The following IL2RA variants were observed in gnomAD, a reference collection of about 807,000 sequenced individuals.
IL2RA encodes interleukin 2 receptor subunit alpha, also known as interleukin-2 receptor subunit alpha.
Under a neutral mutation model 37.8 loss-of-function variants are expected in IL2RA, and 24 were observed. The ratio of observed to expected loss-of-function variants is 0.63; its 90% CI spans 0.46 to 0.89. The LOEUF is 0.89. Ranked by LOEUF, IL2RA falls within the 40% of genes least tolerant of loss-of-function variation. The pLI is 0.00. For missense variants in IL2RA, 319 were observed against 348.6 expected, an observed-to-expected ratio of 0.92 and a Z score of 0.68; for synonymous variants, 125 against 114.6, an observed-to-expected ratio of 1.09 and a Z score of -0.58.
chr10:6,049,850 C>T (rs181115088), intron 1 of IL2RA, among the ~76,000 whole-genome samples: 5 of 152,308 alleles, frequency 3.3e-5, no homozygotes, highest in East Asian at 1.9e-4. Flanking sequence ...TCTCTCAAGA[C>T]GCTTTTCTGG....
At chr10:6,019,821 G>A (rs1839352318) in intron 5 of IL2RA, 49 bp downstream of exon 5, 2 of 1,549,134 alleles carry the variant, frequency 1.3e-6, no homozygotes, top group East Asian at 4.5e-5. Context: ...GGTCACCTCT[G>A]CCCTTTTGGA....
rs1436492215 is a variant in IL2RA, at chr10:6,018,006, C to T, written c.794+47G>A. 1 of 1,523,540 alleles carries T rather than the reference C, an allele frequency of 6.6e-7. No individual in the cohort carries two copies. The highest frequency in any genetic ancestry group is 9.1e-7 in the Non-Finnish European group (1 of 1,102,664). 94.4% of individuals were successfully genotyped at this position (1,523,540 alleles called of 1,614,324 possible). On this transcript the variant is annotated intron_variant, in intron 7 of 7. Transcript: ENST00000379959. This position sits in a 1 kb window ranked among gnomAD's most constrained non-coding sequence, Gnocchi z 5.1. The stretch of plus-strand genomic sequence containing the variant: ...GGGGGAGGCAGGGTGGGGCTGGGTA[C>T]AGGACTTTGATCTGACCAAGGGCTG...
In IL2RA at chr10:6,012,180, T is replaced by G. The variant is rs1336243109; in HGVS notation, c.*692A>C. ...TCCTTCTGTTCCTGACATTGCCTCATGGGTTTGGCTGCCCCGTTTTGAAGT... is the reference window on the plus strand; with the variant it reads ...TCCTTCTGTTCCTGACATTGCCTCAGGGGTTTGGCTGCCCCGTTTTGAAGT... On this transcript the variant is annotated 3_prime_UTR_variant, in exon 8 of 8. Coordinates refer to ENST00000379959, the MANE Select transcript of IL2RA (RefSeq NM_000417.3). This position sits in a 1 kb window ranked among gnomAD's most constrained non-coding sequence, Gnocchi z 4.8. 1 of 152,822 alleles carries G rather than the reference T, an allele frequency of 6.5e-6. No individual in the cohort carries two copies. Among genetic ancestry groups the G allele is most frequent in the Non-Finnish European group, 1.5e-5 (1 of 68,416 alleles). The allele number at this position is 152,822 out of a possible 1,614,324, so 9.5% of individuals were successfully genotyped here.
Position 6,018,198 on chromosome 10 carries a change from G to T in IL2RA, c.728-79C>A. On this transcript the variant is annotated intron_variant, in intron 6 of 7. Coordinates refer to ENST00000379959, the MANE Select transcript of IL2RA (RefSeq NM_000417.3). This position sits in a 1 kb window ranked among gnomAD's most constrained non-coding sequence, Gnocchi z 5.1. ...AGCAGGAGCCAGGGCCACAGGGCAG[G>T]CTGAGGACATCCCCAAAGAGCAAGG... The T allele has an allele frequency of 9.2e-7, 1 of 1,091,230 alleles. No individual in the cohort carries two copies. The highest frequency in any genetic ancestry group is 1.4e-6 in the Non-Finnish European group (1 of 712,064). The allele number at this position is 1,091,230 out of a possible 1,614,324, so 67.6% of individuals were successfully genotyped here. A position where few individuals can be genotyped will look rare whatever the true frequency, so the allele number is the denominator to read the frequency against.
At chr10:6,061,617 CT>C (rs1189856848) in intron 1 of IL2RA, among the ~76,000 whole-genome samples, 1 of 152,116 alleles carries the variant, frequency 6.6e-6, no homozygotes, top group Admixed American at 6.5e-5. Flanking sequence ...TGAAGCTAAA[CT>C]TTTCTGAGAT....
At chr10:6,031,963 T>G (rs1281642892) in intron 1 of IL2RA, among the ~76,000 whole-genome samples, 1 of 152,130 alleles carries the variant, frequency 6.6e-6, no homozygotes, top group Non-Finnish European at 1.5e-5. Context: ...TATAAAACTA[T>G]GGAAATCAAG....
chr10:6,021,829 A>C lies in IL2RA; in HGVS notation c.368-136T>G. 1.3e-6 allele frequency: 1 copy of C among 741,092 alleles called. No homozygotes were observed. Among genetic ancestry groups the C allele is most frequent in the Non-Finnish European group, 2.4e-6 (1 of 423,956 alleles). The allele number at this position is 741,092 out of a possible 1,614,324, so 45.9% of individuals were successfully genotyped here. On this transcript the variant is annotated intron_variant, in intron 3 of 7. Transcript: ENST00000379959. The surrounding 1 kb of genome is among the most constrained non-coding windows in gnomAD (Gnocchi z 4.9). ...GCTCATCCTTTCATTCAACCAATAT[A>C]TGTTGAGAACGTCTGAGCGTGGGGA... is the stretch of plus-strand genomic sequence containing the variant.
chr10:6,024,411 C>G, intron 2 of IL2RA, 57 bp from the exon 3 acceptor site: 1 of 1,250,416 alleles, frequency 8.0e-7, no homozygotes, highest in Admixed American at 1.7e-5. Flanking sequence ...ATAGAAAACA[C>G]TGTTCATGTA....
intron 1 of IL2RA, among the ~76,000 whole-genome samples, chr10:6,030,174 C>T (rs994982979): frequency 6.6e-6 from 1 of 152,078 alleles, no homozygotes; most frequent in African/African-American, 2.4e-5. Flanking sequence ...GCCTAACCTA[C>T]ATTTAATTGA....
chr10:6,019,323 C>A, intron 6 of IL2RA, 105 bp downstream of exon 6: 1 of 866,538 alleles, frequency 1.2e-6, no homozygotes, highest in Non-Finnish European at 2.0e-6. Context: ...AGTCAACCAA[C>A]TAACCAACCT....
chr10:6,023,688 G>A (rs146646389), intron 3 of IL2RA, among the ~76,000 whole-genome samples: 8 of 152,352 alleles, frequency 5.3e-5, no homozygotes, highest in Admixed American at 3.3e-4. Flanking sequence ...AAAGCAGAGG[G>A]CAGACAAGGG....
chr10:6,030,976 C>T (rs2132866505), intron 1 of IL2RA, among the ~76,000 whole-genome samples: 1 of 151,894 alleles, frequency 6.6e-6, no homozygotes, highest in Admixed American at 6.6e-5. Flanking sequence ...CAAATAATAC[C>T]ACAAAGAGTG....
chr10:6,057,545 AT>A lies in IL2RA; in HGVS notation c.64+4542del, dbSNP rs1404905040. Reference sequence around the variant, plus strand: ...TTCAAGATCCCTGGGTGACCTCCTCATTTTACAGAGAGAAATCTGTCAAAAA... The same window carrying A: ...TTCAAGATCCCTGGGTGACCTCCTCATTTACAGAGAGAAATCTGTCAAAAA... On this transcript the variant is annotated intron_variant, in intron 1 of 7. Transcript: ENST00000379959. This position sits in a 1 kb window ranked among gnomAD's most constrained non-coding sequence, Gnocchi z 4.8. Among the ~76,000 whole-genome samples the A allele has an allele frequency of 6.6e-6, 1 of 152,048 alleles. No individual in the cohort carries two copies. Among genetic ancestry groups the A allele is most frequent in the Non-Finnish European group, 1.5e-5 (1 of 68,020 alleles).
rs571426215 is a variant in IL2RA at position 6,036,852 on chromosome 10, G to A, written c.65-10827C>T. ...TATCCCGGTTGGCTGCTCTAGAGCC[G>A]GCAGGACGGATGCTGAGGTTGTTCG... On this transcript the variant is annotated intron_variant, in intron 1 of 7. Transcript: ENST00000379959. The surrounding 1 kb of genome is among the most constrained non-coding windows in gnomAD (Gnocchi z 6.1). Among the ~76,000 whole-genome samples the A allele has an allele frequency of 2.6e-5, 4 of 152,272 alleles. No homozygotes were observed. The highest frequency in any genetic ancestry group is 1.9e-4 in the East Asian group (1 of 5,178).
chr10:6,051,351 A>G (rs1489893693), intron 1 of IL2RA, among the ~76,000 whole-genome samples: 3 of 152,078 alleles, frequency 2.0e-5, no homozygotes, highest in African/African-American at 4.8e-5. Flanking sequence ...GCTGACGTCA[A>G]CTTTAACTCC....
At position 6,025,938 on chromosome 10, in the gene IL2RA, C is replaced by G. The variant is rs2132859359; in HGVS notation, c.152G>C (p.Cys51Ser). 6.2e-7 allele frequency: 1 copy of G among 1,614,192 alleles called. No individual in the cohort carries two copies. Among genetic ancestry groups the G allele is most frequent in the Admixed American group, 1.7e-5 (1 of 60,032 alleles). Residue 51 changes from cysteine (C) to serine (S), a missense_variant, in exon 2 of 8, where the codon TGC becomes TCC. Transcript: ENST00000379959. This position sits in a 1 kb window ranked among gnomAD's most constrained non-coding sequence, Gnocchi z 4.4. ...YKEGTMLNCE[C>S]KRGFRRIKSG... ...TTTTATTCTGCGGAAACCTCTCTTG[C>G]ATTCACAGTTCAACATGGTTCCTTC...
Position 6,025,684 on chromosome 10 carries a change from G to A in IL2RA, c.256+150C>T. The A allele has an allele frequency of 1.3e-6, 1 of 772,918 alleles. No individual in the cohort carries two copies. Among genetic ancestry groups the A allele is most frequent in the South Asian group, 1.6e-5 (1 of 64,286 alleles). 47.9% of individuals were successfully genotyped at this position (772,918 alleles called of 1,614,324 possible). A position where few individuals can be genotyped will look rare whatever the true frequency, so the allele number is the denominator to read the frequency against. On this transcript the variant is annotated intron_variant, in intron 2 of 7. Coordinates refer to ENST00000379959, the MANE Select transcript of IL2RA (RefSeq NM_000417.3). This position sits in a 1 kb window ranked among gnomAD's most constrained non-coding sequence, Gnocchi z 4.4. The stretch of plus-strand genomic sequence containing the variant: ...AAAAAAAAAAAAAATTGTGTTTAGT[G>A]AATGACTTTTCAGGAACCACTAAAA...
chr10:6,035,412 C>T lies in IL2RA; in HGVS notation c.65-9387G>A, dbSNP rs1351777118. 6.6e-6 allele frequency among the ~76,000 whole-genome samples: 1 copy of T among 152,230 alleles called. No individual in the cohort carries two copies. Among genetic ancestry groups the T allele is most frequent in the Non-Finnish European group, 1.5e-5 (1 of 68,040 alleles). ...AAAGCCACATTCAGGCAGGACGGAG[C>T]TGCTCTTGCACACGGTTTCGTGGGC... is the stretch of plus-strand genomic sequence containing the variant. On this transcript the variant is annotated intron_variant, in intron 1 of 7. Transcript: ENST00000379959. This position sits in a 1 kb window ranked among gnomAD's most constrained non-coding sequence, Gnocchi z 5.4.
At chr10:6,031,442 GTA>G (rs1242025908) in intron 1 of IL2RA, among the ~76,000 whole-genome samples, 29 of 54,052 alleles carry the variant, frequency 5.4e-4, no homozygotes, top group South Asian at 1.5e-3. Context: ...AGCAATTTCA[GTA>G]TATATATATA....
Sources: allele counts gnomAD v4.1 joint callset (sites outside exome capture counted in the v4.1 genomes callset), GRCh38; gene constraint gnomAD v4.1.1; non-coding constraint Gnocchi (gnomAD v3.1); transcripts MANE v1.5; gene names NCBI Gene and HGNC (gene_info 2026-07-23, HGNC 2026-07-21).